MAGI2: variants seen among roughly 807,000 people sequenced by gnomAD.
MAGI2 encodes membrane-associated guanylate kinase, WW and PDZ domain-containing protein 2.
In MAGI2, 35 loss-of-function variants were observed where a neutral mutation model predicts 133.3. That is an observed-to-expected ratio of 0.26 (90% CI 0.20 to 0.35). MAGI2 has a LOEUF of 0.35. Ranked by LOEUF, MAGI2 falls within the 10% of genes least tolerant of loss-of-function variation. The pLI is 1.00. For synonymous variants in MAGI2, 729 were observed against 710.6 expected, an observed-to-expected ratio of 1.03 and a Z score of -0.41; for missense variants, 1,636 against 1,863.4, an observed-to-expected ratio of 0.88 and a Z score of 2.25.
chr7:78,364,256 C>T (rs1793147242), intron 7 of MAGI2, among the ~76,000 whole-genome samples: 1 of 152,164 alleles, frequency 6.6e-6, no homozygotes, highest in Admixed American at 6.5e-5. Context: ...CATATGTTTA[C>T]TGACTTTTTA....
chr7:79,129,205 C>T (rs1820696978), intron 1 of MAGI2, among the ~76,000 whole-genome samples: 1 of 152,132 alleles, frequency 6.6e-6, no homozygotes, highest in African/African-American at 2.4e-5. Context: ...CATTAGCCTA[C>T]AGTTGGGTGA....
intron 12 of MAGI2, among the ~76,000 whole-genome samples, chr7:78,192,041 G>A (rs1378549808): frequency 6.6e-6 from 1 of 152,088 alleles, no homozygotes; most frequent in Non-Finnish European, 1.5e-5. Context: ...TGGGTGGAGG[G>A]GCGTCTTTTT....
intron 5 of MAGI2, among the ~76,000 whole-genome samples, chr7:78,496,164 A>G (rs1794069479): frequency 6.6e-6 from 1 of 152,228 alleles, no homozygotes; most frequent in African/African-American, 2.4e-5. Context: ...GAACACAAAA[A>G]GAAACATAAA....
chr7:78,437,951 T>C (rs1286485471), intron 6 of MAGI2, among the ~76,000 whole-genome samples: 1 of 152,194 alleles, frequency 6.6e-6, no homozygotes, highest in Non-Finnish European at 1.5e-5. Flanking sequence ...TTTCAGAATG[T>C]CAAATGAAGT....
intron 1 of MAGI2, among the ~76,000 whole-genome samples, chr7:79,420,829 G>T (rs1216726122): frequency 2.0e-5 from 3 of 151,926 alleles, no homozygotes; most frequent in Non-Finnish European, 4.4e-5. Context: ...TATGAACTTG[G>T]ACATTTCTGT....
At chr7:79,120,342 T>C (rs1223586485) in intron 1 of MAGI2, among the ~76,000 whole-genome samples, 1 of 152,108 alleles carries the variant, frequency 6.6e-6, no homozygotes, top group African/African-American at 2.4e-5. Context: ...CATTGGGAAT[T>C]TGCAAATACA....
At position 78,697,235 on chromosome 7, in the gene MAGI2, G is replaced by A. The variant is rs528327833; in HGVS notation, c.419-69996C>T. On this transcript the variant is annotated intron_variant, in intron 2 of 21. Coordinates refer to ENST00000354212, the MANE Select transcript of MAGI2 (RefSeq NM_012301.4). ...CTCTACATCACTGAGTTGATTCTCC[G>A]CAGTGTTGTCTGTTATTCTATTCAT... Among the ~76,000 whole-genome samples, 8 of 152,072 alleles carry A rather than the reference G, an allele frequency of 5.3e-5. No individual in the cohort carries two copies. In the South Asian group the frequency reaches 1.7e-3, roughly 32 times the overall value.
intron 6 of MAGI2, among the ~76,000 whole-genome samples, chr7:78,437,561 C>T (rs10266582): frequency 0.13 from 20,417 of 152,110 alleles, 1,466 homozygotes; most frequent in East Asian, 0.2. Flanking sequence ...GCCTCTGTGC[C>T]CTCATCTTGA....
At chr7:79,432,285 G>A (rs1847829272) in intron 1 of MAGI2, among the ~76,000 whole-genome samples, 1 of 152,206 alleles carries the variant, frequency 6.6e-6, no homozygotes, top group South Asian at 2.1e-4. Context: ...AGAGGGATGT[G>A]TTGCATGCAC....
intron 1 of MAGI2, among the ~76,000 whole-genome samples, chr7:79,157,945 T>TGA (rs1585071888): frequency 3.1e-3 from 65 of 20,874 alleles, no homozygotes; most frequent in South Asian, 6.5e-3. Context: ...TGTGTGAGTG[T>TGA]GTGTGTGTGT....
chr7:78,314,049 A>C (rs1787152515), intron 9 of MAGI2, among the ~76,000 whole-genome samples: 1 of 152,122 alleles, frequency 6.6e-6, no homozygotes, highest in East Asian at 1.9e-4. Context: ...GATTAATCAA[A>C]CATAACGTTT....
At chr7:78,665,042 T>G (rs551759047) in intron 2 of MAGI2, among the ~76,000 whole-genome samples, 1 of 152,192 alleles carries the variant, frequency 6.6e-6, no homozygotes, top group South Asian at 2.1e-4. Context: ...TAATATATTC[T>G]ACTTTACTTA....
chr7:78,471,673 C>T (rs1791215291), intron 6 of MAGI2, among the ~76,000 whole-genome samples: 1 of 152,074 alleles, frequency 6.6e-6, no homozygotes, highest in South Asian at 2.1e-4. Flanking sequence ...TGCCTGTAAT[C>T]TCAGCCATTT....
At chr7:79,296,548 C>T (rs1836945495) in intron 1 of MAGI2, among the ~76,000 whole-genome samples, 1 of 152,108 alleles carries the variant, frequency 6.6e-6, no homozygotes, top group African/African-American at 2.4e-5. Flanking sequence ...ATGGATGAAC[C>T]TGGAGGACAT....
intron 2 of MAGI2, among the ~76,000 whole-genome samples, chr7:78,765,998 C>T (rs1824986032): frequency 6.6e-6 from 1 of 152,182 alleles, no homozygotes; most frequent in Non-Finnish European, 1.5e-5. Context: ...GAAAGAAAGG[C>T]TCTTCATAAA....
intron 1 of MAGI2, among the ~76,000 whole-genome samples, chr7:79,074,548 TA>T (rs1179721800): frequency 6.6e-6 from 1 of 152,214 alleles, no homozygotes; most frequent in Non-Finnish European, 1.5e-5. Context: ...AATACTCAAG[TA>T]TTTAAGCAAA....
At chr7:78,858,930 G>A (rs541938340) in intron 2 of MAGI2, among the ~76,000 whole-genome samples, 1 of 152,038 alleles carries the variant, frequency 6.6e-6, no homozygotes, top group Non-Finnish European at 1.5e-5. Context: ...CCTGTATTGG[G>A]TGCATATATA....
At chr7:78,751,185 C>T (rs377555633) in intron 2 of MAGI2, among the ~76,000 whole-genome samples, 2 of 152,126 alleles carry the variant, frequency 1.3e-5, no homozygotes, top group African/African-American at 4.8e-5. Context: ...TTAATGATTA[C>T]GTCAACTTTA....
intron 3 of MAGI2, among the ~76,000 whole-genome samples, chr7:78,608,887 T>C (rs1806122673): frequency 2.6e-5 from 4 of 152,134 alleles, no homozygotes; most frequent in African/African-American, 7.2e-5. Flanking sequence ...TAATAGAATG[T>C]CTATATCTAT....
Sources: gnomAD v4.1 joint callset for allele counts (sites outside exome capture counted in the v4.1 genomes callset) on GRCh38, gnomAD v4.1.1 for gene constraint, MANE v1.5 for transcripts, NCBI Gene and HGNC (gene_info 2026-07-23, HGNC 2026-07-21) for gene names.